Variants in MICAL3 observed in about 807,000 individuals in gnomAD.
MICAL3 encodes the protein microtubule associated monooxygenase, calponin and LIM domain containing 3.
MICAL3 carries 62 observed loss-of-function variants against 207.4 expected under a neutral mutation model. That is an observed-to-expected ratio of 0.30 (90% CI 0.24 to 0.37). The LOEUF (loss-of-function observed/expected upper bound fraction) is 0.37, where lower values mean the gene tolerates loss of function less well. Ranked by LOEUF, MICAL3 falls within the 10% of genes least tolerant of loss-of-function variation. The probability of loss-of-function intolerance (pLI) is 1.00; values close to 1 mark genes in which losing one functional copy is unlikely to be tolerated. For missense variants in MICAL3, 2,368 were observed against 2,635.6 expected (o/e 0.90, Z 2.22); for synonymous variants, 1,077 against 1,069.3 (o/e 1.01, Z -0.14).
intron 1 of MICAL3, among the ~76,000 whole-genome samples, chr22:17,988,941 C>T (rs1010803040): frequency 3.3e-5 from 5 of 152,204 alleles, no homozygotes; most frequent in African/African-American, 1.2e-4. Flanking sequence ...GGAGCAGCCG[C>T]GGAGTCCAAC....
At chr22:17,952,551 A>G (rs1483215300) in intron 1 of MICAL3, among the ~76,000 whole-genome samples, 1 of 152,248 alleles carries the variant, frequency 6.6e-6, no homozygotes, top group African/African-American at 2.4e-5. Flanking sequence ...ATCACACACT[A>G]TAAAACACAA....
chr22:17,951,109 A>G (rs1934327688), intron 1 of MICAL3, among the ~76,000 whole-genome samples: 1 of 152,090 alleles, frequency 6.6e-6, no homozygotes, highest in Admixed American at 6.5e-5. Flanking sequence ...CACTTCCTCC[A>G]CTGTCTCAAA....
chr22:17,841,794 TG>T lies in MICAL3; in HGVS notation c.2801+27del. On this transcript the variant is annotated intron_variant, in intron 20 of 31. Coordinates refer to ENST00000441493, the MANE Select transcript of MICAL3 (RefSeq NM_015241.3). The surrounding 1 kb of genome is among the most constrained non-coding windows in gnomAD (Gnocchi z 4.2). ...GAGGCTCTTAGGGCCGTGTGGCGGG[TG>T]GGCGCCCTGCAGCCCTGCGTGCTGA... is the stretch of plus-strand genomic sequence containing the variant. The T allele has an allele frequency of 2.0e-6, 3 of 1,526,552 alleles. No homozygotes were observed. Among genetic ancestry groups the T allele is most frequent in the Non-Finnish European group, 1.8e-6 (2 of 1,138,240 alleles). The allele number at this position is 1,526,552 out of a possible 1,614,324, so 94.6% of individuals were successfully genotyped here.
At chr22:17,981,887 G>A (rs188703343) in intron 1 of MICAL3, among the ~76,000 whole-genome samples, 8 of 152,282 alleles carry the variant, frequency 5.3e-5, no homozygotes, top group Admixed American at 4.6e-4. Flanking sequence ...AGGATCGCTT[G>A]AGCCCAGGAG....
intron 11 of MICAL3, 41 bp from the exon 12 acceptor site, chr22:17,891,673 C>T (rs767787288): frequency 6.3e-7 from 1 of 1,595,074 alleles, no homozygotes; most frequent in Non-Finnish European, 8.6e-7. Flanking sequence ...GTGTGGTCAC[C>T]TGGTAATGCT....
intron 16 of MICAL3, among the ~76,000 whole-genome samples, chr22:17,882,298 T>C (rs1929509890): frequency 6.6e-6 from 1 of 152,212 alleles, no homozygotes; most frequent in South Asian, 2.1e-4. Context: ...TATGATGACC[T>C]AGGCTGAGGC....
chr22:17,895,682 C>T (rs1004985477), intron 9 of MICAL3, among the ~76,000 whole-genome samples: 3 of 151,966 alleles, frequency 2.0e-5, no homozygotes, highest in African/African-American at 4.8e-5. Context: ...AAAGGTCACA[C>T]ATTTACTCTT....
rs1923084969 is a variant in MICAL3, at chr22:18,002,282, G to A, written c.-75+21999C>T. 2.0e-5 allele frequency among the ~76,000 whole-genome samples: 3 copies of A among 152,166 alleles called. No homozygotes were observed. In the South Asian group the frequency reaches 6.2e-4, roughly 32 times the overall value. ...AAACTAGGATTTTCATTCTAGTTGGGAAGCAAAGAGGTTAGGGGGAATTTC... is the reference window on the plus strand; with the variant it reads ...AAACTAGGATTTTCATTCTAGTTGGAAAGCAAAGAGGTTAGGGGGAATTTC... On this transcript the variant is annotated intron_variant, in intron 1 of 31. Transcript: ENST00000441493.
rs558756509 is a variant in MICAL3 at position 17,808,895 on chromosome 22, G to A, written c.5599C>T (p.Arg1867Trp). 63 of 1,553,648 alleles carry A rather than the reference G, an allele frequency of 4.1e-5. No individual in the cohort carries two copies. In the East Asian group the frequency reaches 8.0e-4, roughly 20 times the overall value. The change falls in exon 29 of 32, where the codon CGG (arginine) becomes TGG (tryptophan). Residue 1867 changes from arginine to tryptophan, a missense_variant. Coordinates refer to ENST00000441493, the MANE Select transcript of MICAL3 (RefSeq NM_015241.3). ...ACAGCCACGCCCCTTTCCTCCAGCC[G>A]CCGCTGCCTCTCCTCCACCTGCTGC... ...QLQQVEERQR[R>W]LEERGVAVEK...
chr22:17,813,572 G>C (rs554130520), intron 27 of MICAL3: 1 of 152,364 alleles, frequency 6.6e-6, no homozygotes, highest in African/African-American at 2.4e-5. Flanking sequence ...TTCAGAAAAA[G>C]AGACAGATGA....
At chr22:17,874,500 A>T (rs1421140101) in intron 16 of MICAL3, among the ~76,000 whole-genome samples, 1 of 152,008 alleles carries the variant, frequency 6.6e-6, no homozygotes, top group Non-Finnish European at 1.5e-5. Flanking sequence ...GAACTAAACC[A>T]TCTGGGTTTA....
At chr22:17,989,894 T>TC (rs1921469630) in intron 1 of MICAL3, among the ~76,000 whole-genome samples, 1 of 152,186 alleles carries the variant, frequency 6.6e-6, no homozygotes, top group Non-Finnish European at 1.5e-5. Context: ...AATCACACCA[T>TC]CTATGCCTAT....
intron 1 of MICAL3, among the ~76,000 whole-genome samples, chr22:17,918,898 A>C (rs1305795521): frequency 6.6e-6 from 1 of 152,180 alleles, no homozygotes; most frequent in Non-Finnish European, 1.5e-5. Flanking sequence ...CAGAGAAAAC[A>C]AGCTCTGACT....
At chr22:17,883,051 A>G (rs1017100542) in intron 16 of MICAL3, among the ~76,000 whole-genome samples, 1 of 152,084 alleles carries the variant, frequency 6.6e-6, no homozygotes, top group African/African-American at 2.4e-5. Context: ...CTCCCACCTC[A>G]GGCACCCGTT....
rs564803095 is a variant in MICAL3, at chr22:17,981,733, A to G, written c.-75+42548T>C. Among the ~76,000 whole-genome samples, 21 of 152,336 alleles carry G rather than the reference A, an allele frequency of 1.4e-4. No homozygotes were observed. The South Asian group carries it at 4.4e-3, about 32-fold the overall frequency. On this transcript the variant is annotated intron_variant, in intron 1 of 31. Coordinates refer to ENST00000441493, the MANE Select transcript of MICAL3 (RefSeq NM_015241.3). Reference sequence around the variant, plus strand: ...CAGGTGTGATGGCACAGGCGATGCTAAGGTCAACAGGAAGTGATGAGTTTT... The same window carrying G: ...CAGGTGTGATGGCACAGGCGATGCTGAGGTCAACAGGAAGTGATGAGTTTT...
At chr22:17,906,440 C>T (rs1931724348) in intron 2 of MICAL3, 109 bp downstream of exon 2, 4 of 1,599,802 alleles carry the variant, frequency 2.5e-6, no homozygotes, top group Non-Finnish European at 2.6e-6. Flanking sequence ...AACTTCTTGG[C>T]ACCCAGACCT....
chr22:17,910,201 C>T (rs1932023020), intron 1 of MICAL3, among the ~76,000 whole-genome samples: 4 of 152,156 alleles, frequency 2.6e-5, no homozygotes, highest in Non-Finnish European at 4.4e-5. Flanking sequence ...CAAAATCCTT[C>T]CCGTCATAGC....
intron 1 of MICAL3, among the ~76,000 whole-genome samples, chr22:17,986,422 A>G (rs1921018433): frequency 6.6e-6 from 1 of 152,186 alleles, no homozygotes; most frequent in African/African-American, 2.4e-5. Context: ...TGGGAGGCTA[A>G]GGCAGAAGAA....
intron 16 of MICAL3, chr22:17,879,242 G>C: frequency 1.0e-6 from 1 of 953,072 alleles, no homozygotes; most frequent in African/African-American, 1.7e-5. Flanking sequence ...AAAAAGCAAG[G>C]GGAGGGGGCC....
Sources: allele counts gnomAD v4.1 joint callset (sites outside exome capture counted in the v4.1 genomes callset), GRCh38; gene constraint gnomAD v4.1.1; non-coding constraint Gnocchi (gnomAD v3.1); transcripts MANE v1.5; gene names NCBI Gene and HGNC (gene_info 2026-07-23, HGNC 2026-07-21).